Variants in CYTIP observed in about 807,000 individuals in gnomAD.
CYTIP encodes cytohesin 1 interacting protein, also known as cytohesin-interacting protein.
CYTIP carries 26 observed loss-of-function variants against 43.8 expected under a neutral mutation model. That is an observed-to-expected ratio of 0.59 (90% CI 0.44 to 0.82). The LOEUF (loss-of-function observed/expected upper bound fraction) is 0.82. CYTIP is among the 40% of genes least tolerant of loss of function. CYTIP has a pLI of 0.00. For synonymous variants in CYTIP, 162 were observed against 162.9 expected (o/e 0.99, Z 0.04); for missense variants, 426 against 443.1 (o/e 0.96, Z 0.35).
intron 3 of CYTIP, 125 bp downstream of exon 3, chr2:157,434,245 C>A: frequency 2.5e-6 from 2 of 797,428 alleles, no homozygotes; most frequent in South Asian, 2.9e-5. Flanking sequence ...AACAGCCACA[C>A]ACTGAATAAA....
intron 6 of CYTIP, 39 bp from the exon 7 acceptor site, chr2:157,418,628 T>A (rs1685476307): frequency 2.6e-6 from 4 of 1,513,222 alleles, no homozygotes; most frequent in Non-Finnish European, 3.6e-6. Flanking sequence ...TTTTTATTAT[T>A]AGGAAACCCC....
At chr2:157,427,985 C>A (rs1427024549) in intron 5 of CYTIP, among the ~76,000 whole-genome samples, 1 of 152,196 alleles carries the variant, frequency 6.6e-6, no homozygotes, top group Non-Finnish European at 1.5e-5. Context: ...CTAGAAGAAA[C>A]AGAAGTACAA....
Position 157,415,561 on chromosome 2 carries a change from G to T in CYTIP, c.*116C>A. ...AACAATTTAAATAAAGGTCACTATT[G>T]CTGTGAAATGGGATGTCAGTTTTGC... On this transcript the variant is annotated 3_prime_UTR_variant, in exon 8 of 8. Coordinates refer to ENST00000264192, the MANE Select transcript of CYTIP (RefSeq NM_004288.5). The T allele has an allele frequency of 1.5e-6, 1 of 673,454 alleles. No individual in the cohort carries two copies. Among genetic ancestry groups the T allele is most frequent in the African/African-American group, 1.8e-5 (1 of 55,358 alleles). 41.7% of individuals were successfully genotyped at this position (673,454 alleles called of 1,614,324 possible). A position where few individuals can be genotyped will look rare whatever the true frequency, so the allele number is the denominator to read the frequency against.
intron 1 of CYTIP, among the ~76,000 whole-genome samples, chr2:157,442,846 A>T (rs1264935175): frequency 1.3e-5 from 2 of 152,190 alleles, no homozygotes; most frequent in African/African-American, 4.8e-5. Context: ...GAAGCACATG[A>T]TTGTACATGC....
chr2:157,432,374 T>C (rs529830724), intron 3 of CYTIP, among the ~76,000 whole-genome samples: 1 of 152,340 alleles, frequency 6.6e-6, no homozygotes, highest in South Asian at 2.1e-4. Context: ...CCCAGTCTTC[T>C]AGCTCCCATT....
At chr2:157,423,578 T>C (rs1486994626) in intron 6 of CYTIP, among the ~76,000 whole-genome samples, 5 of 151,886 alleles carry the variant, frequency 3.3e-5, no homozygotes, top group Non-Finnish European at 5.9e-5. Context: ...TCAGATGGTA[T>C]TATTAAAATT....
chr2:157,440,854 C>T (rs1685896598), intron 1 of CYTIP, among the ~76,000 whole-genome samples: 1 of 152,116 alleles, frequency 6.6e-6, no homozygotes, highest in South Asian at 2.1e-4. Context: ...GGTGGTAAGA[C>T]AATCACTACT....
intron 7 of CYTIP, among the ~76,000 whole-genome samples, chr2:157,416,744 G>A (rs1019951798): frequency 1.3e-4 from 20 of 152,132 alleles, no homozygotes; most frequent in Non-Finnish European, 2.6e-4. Context: ...TCCCAGTTTC[G>A]TTTTGGAATA....
chr2:157,433,605 A>AT (rs1046673179), intron 3 of CYTIP, among the ~76,000 whole-genome samples: 2 of 152,094 alleles, frequency 1.3e-5, no homozygotes, highest in African/African-American at 4.8e-5. Context: ...GAAAAAAAAA[A>AT]CAGAAATGCT....
At chr2:157,436,591 A>G (rs988959839) in intron 1 of CYTIP, among the ~76,000 whole-genome samples, 23 of 152,060 alleles carry the variant, frequency 1.5e-4, no homozygotes, top group African/African-American at 4.8e-4. Context: ...AGCTATATAT[A>G]TATGTATACA....
intron 3 of CYTIP, chr2:157,434,153 T>G (rs545716883): frequency 9.8e-5 from 58 of 589,912 alleles, no homozygotes; most frequent in South Asian, 5.1e-4. Context: ...CACAAACTGC[T>G]GAGCATATCG....
chr2:157,430,437 G>C, intron 5 of CYTIP, 122 bp downstream of exon 5: 1 of 783,164 alleles, frequency 1.3e-6, no homozygotes, highest in South Asian at 1.5e-5. Context: ...CCACTCTAAA[G>C]CTCCGGTGCA....
chr2:157,424,318 G>T (rs1472574135), intron 6 of CYTIP, among the ~76,000 whole-genome samples: 5 of 152,002 alleles, frequency 3.3e-5, no homozygotes, highest in African/African-American at 1.2e-4. Flanking sequence ...GTCAATCAAA[G>T]CATTAGTTTT....
chr2:157,416,980 T>TGAGAGA (rs377170102), intron 7 of CYTIP, among the ~76,000 whole-genome samples: 13 of 147,176 alleles, frequency 8.8e-5, no homozygotes, highest in Non-Finnish European at 6.0e-5. Context: ...TGTGTGTGTG[T>TGAGAGA]GAGAGAGAGA....
intron 6 of CYTIP, 133 bp downstream of exon 6, chr2:157,427,218 G>A (rs1685626362): frequency 1.4e-6 from 1 of 702,288 alleles, no homozygotes; most frequent in African/African-American, 1.8e-5. Flanking sequence ...TGCGGCTCTT[G>A]ATAATTCAGC....
At position 157,434,436 on chromosome 2, in the gene CYTIP, A is replaced by G; in HGVS notation, c.225-12T>C. ...CAGTAACAAGCTTTCTGTAATAAAA[A>G]TGTTTAAAAAAGAAACTGCATGAAA... On this transcript the variant is annotated splice_polypyrimidine_tract_variant and intron_variant, in intron 2 of 7. Transcript: ENST00000264192. 1 of 1,600,146 alleles carries G rather than the reference A, an allele frequency of 6.2e-7. No individual in the cohort carries two copies. Among genetic ancestry groups the G allele is most frequent in the Non-Finnish European group, 8.5e-7 (1 of 1,170,098 alleles).
rs1685780723 is a variant in CYTIP at position 157,434,766 on chromosome 2, A to G, written c.175-19T>C. 1.2e-6 allele frequency: 2 copies of G among 1,605,692 alleles called. No individual in the cohort carries two copies. The highest frequency in any genetic ancestry group is 1.7e-6 in the Non-Finnish European group (2 of 1,173,936). Reference sequence around the variant, plus strand: ...AAGCAAGCTGAAAAACACAAAAGACATATAGTTATCCCAGGGTCTTCAAGA... The same window carrying G: ...AAGCAAGCTGAAAAACACAAAAGACGTATAGTTATCCCAGGGTCTTCAAGA... On this transcript the variant is annotated intron_variant, in intron 1 of 7. Coordinates refer to ENST00000264192, the MANE Select transcript of CYTIP (RefSeq NM_004288.5).
At position 157,415,412 on chromosome 2, in the gene CYTIP, T is replaced by G; in HGVS notation, c.*265A>C. 2.9e-6 allele frequency: 1 copy of G among 342,736 alleles called. No homozygotes were observed. 21.2% of individuals were successfully genotyped at this position (342,736 alleles called of 1,614,324 possible). ...AATATTAGTTTTGCTTTCAAAGACA[T>G]TACTGGAATGAGCAGGAACCTGCAT... On this transcript the variant is annotated 3_prime_UTR_variant, in exon 8 of 8. Transcript: ENST00000264192.
At chr2:157,433,174 A>C (rs763710794) in intron 3 of CYTIP, among the ~76,000 whole-genome samples, 5 of 152,198 alleles carry the variant, frequency 3.3e-5, no homozygotes, top group Admixed American at 6.5e-5. Flanking sequence ...CTTTAAAAAG[A>C]AGCAGTGACA....
Sources: allele counts gnomAD v4.1 joint callset (sites outside exome capture counted in the v4.1 genomes callset), GRCh38; gene constraint gnomAD v4.1.1; transcripts MANE v1.5; gene names NCBI Gene and HGNC (gene_info 2026-07-23, HGNC 2026-07-21).